Variants in DBNDD2 observed in about 807,000 individuals in gnomAD.
The protein encoded by DBNDD2 is dysbindin domain containing 2.
DBNDD2 carries 8 observed loss-of-function variants against 14.0 expected under a neutral mutation model. That is an observed-to-expected ratio of 0.57 (90% confidence interval 0.33 to 1.03). DBNDD2 has a LOEUF of 1.03. DBNDD2 is among the 50% of genes least tolerant of loss of function. The pLI, the probability that DBNDD2 is intolerant of heterozygous loss-of-function variation, is 0.03. For missense variants in DBNDD2, 194 were observed against 206.0 expected, an observed-to-expected ratio of 0.94 and a Z score of 0.36; for synonymous variants, 94 against 85.3, an observed-to-expected ratio of 1.10 and a Z score of -0.56.
At chr20:45,407,715 C>T, upstream of DBNDD2, 1 of 995,416 alleles carries the variant, frequency 1.0e-6, no homozygotes, top group Non-Finnish European at 1.2e-6. Context: ...TGTTGGAGTT[C>T]AAAGGAAAGA....
At chr20:45,406,797 G>A, upstream of DBNDD2, 1 of 1,248,262 alleles carries the variant, frequency 8.0e-7, no homozygotes. Context: ...CGGAGCACGA[G>A]GGGAACGGCC....
At chr20:45,406,478 C>G (rs1250708168), upstream of DBNDD2, 1 of 1,527,748 alleles carries the variant, frequency 6.5e-7, no homozygotes, top group Non-Finnish European at 8.8e-7. Flanking sequence ...TTTTGACCGC[C>G]TTGGAAGTAC....
chr20:45,408,244 G>A (rs754516344), upstream of DBNDD2: 55 of 1,551,244 alleles, frequency 3.5e-5, no homozygotes, highest in Non-Finnish European at 4.4e-5. Context: ...CCTTTGTGGA[G>A]CTTAGGGCAA....
chr20:45,409,764 C>A (rs935559107), intron 2 of DBNDD2, among the ~76,000 whole-genome samples, 168 bp from the exon 3 acceptor site: 1 of 152,224 alleles, frequency 6.6e-6, no homozygotes, highest in African/African-American at 2.4e-5. Context: ...GTGGAAGGAG[C>A]TGGCAGTCAG....
At chr20:45,407,489 A>T (rs1397225138), upstream of DBNDD2, 1 of 985,824 alleles carries the variant, frequency 1.0e-6, no homozygotes, top group Non-Finnish European at 1.2e-6. Flanking sequence ...GGCTCAGAGC[A>T]GAACGCCGGG....
rs535857781 is a variant in DBNDD2 at position 45,409,942 on chromosome 20, C to T, written c.288C>T (p.Asn96=). ...TTTCTCTCTGGGCAGGGATGGACAA[C>T]CATTTGGAGGAGCTGAGCCTGCCGG... ...PPTPQSSGMD[N]HLEELSLPVP... Residue 96 remains asparagine (N), a synonymous_variant, in exon 3 of 3, where the codon AAC becomes AAT. Transcript: ENST00000372710. 1.1e-4 allele frequency: 163 copies of T among 1,551,708 alleles called. No individual in the cohort carries two copies. The highest frequency in any genetic ancestry group is 1.4e-4 in the Non-Finnish European group (155 of 1,147,008).
Position 45,409,839 on chromosome 20 carries a change from C to G in DBNDD2, c.278-93C>G, listed in dbSNP as rs1452691159. ...AAAGTCACTTTGGACAAGTCTCTGC[C>G]CCACTGTGGACTTTAGTTACTCCTG... On this transcript the variant is annotated intron_variant, in intron 2 of 2. Transcript: ENST00000372710. The G allele has an allele frequency of 2.3e-6, 3 of 1,321,214 alleles. No individual in the cohort carries two copies. In the East Asian group the frequency reaches 7.5e-5, roughly 33 times the overall value. 81.8% of individuals were successfully genotyped at this position (1,321,214 alleles called of 1,614,324 possible).
chr20:45,407,568 G>A, upstream of DBNDD2: 1 of 986,714 alleles, frequency 1.0e-6, no homozygotes, highest in Non-Finnish European at 1.2e-6. Flanking sequence ...CTCTGGCAGG[G>A]TCTCAGCTTC....
chr20:45,406,822 TC>T (rs1568935655), upstream of DBNDD2: 17 of 1,214,278 alleles, frequency 1.4e-5, no homozygotes, highest in East Asian at 3.5e-5. Flanking sequence ...GGGAGCGCCC[TC>T]CCCCCGTCCT....
At chr20:45,406,702 G>A (rs1989420717), upstream of DBNDD2, 1 of 1,322,046 alleles carries the variant, frequency 7.6e-7, no homozygotes, top group Non-Finnish European at 9.6e-7. Flanking sequence ...GGAGCGGACG[G>A]ACTGAGTCAG....
At position 45,409,997 on chromosome 20, in the gene DBNDD2, A is replaced by ACCTCCTCCTCCT; in HGVS notation, c.352_363dup (p.Ser118_Ser121dup). 6.4e-7 allele frequency: 1 copy of ACCTCCTCCTCCT among 1,550,674 alleles called. No homozygotes were observed. On this transcript the variant is annotated inframe_insertion, in exon 3 of 3. Coordinates refer to ENST00000372710, the MANE Select transcript of DBNDD2 (RefSeq NM_001048225.4). ...TACATCAGACAGGACCACATCTAGGACCTCCTCCTCCTCCTCCTCCGACTC... is the reference window on the plus strand; with the variant it reads ...TACATCAGACAGGACCACATCTAGGACCTCCTCCTCCTCCTCCTCCTCCTCCTCCTCCGACTC...
upstream of DBNDD2, chr20:45,406,391 G>C (rs1989376658): frequency 2.1e-6 from 3 of 1,420,266 alleles, no homozygotes; most frequent in Non-Finnish European, 1.9e-6. Context: ...GCGGAGACTA[G>C]CGCACCGGCG....
At position 45,409,969 on chromosome 20, in the gene DBNDD2, G is replaced by A; in HGVS notation, c.315G>A (p.Val105=). The A allele has an allele frequency of 6.4e-7, 1 of 1,551,758 alleles. No individual in the cohort carries two copies. The highest frequency in any genetic ancestry group is 8.7e-7 in the Non-Finnish European group (1 of 1,147,000). Residue 105 remains valine, a synonymous_variant, in exon 3 of 3, where the codon GTG becomes GTA. Coordinates refer to ENST00000372710, the MANE Select transcript of DBNDD2 (RefSeq NM_001048225.4). ...DNHLEELSLP[V]PTSDRTTSRT... is the part of the protein sequence containing the mutation. ...ATTTGGAGGAGCTGAGCCTGCCGGT[G>A]CCTACATCAGACAGGACCACATCTA...
Position 45,410,146 on chromosome 20 carries a change from G to A in DBNDD2, c.*6G>A, listed in dbSNP as rs932692344. ...AGCCTGGAGCCTGCAGCTAGCAGTGGGCCCCTGCCTACAGACTGACCACGC... is the reference window on the plus strand; with the variant it reads ...AGCCTGGAGCCTGCAGCTAGCAGTGAGCCCCTGCCTACAGACTGACCACGC... On this transcript the variant is annotated 3_prime_UTR_variant, in exon 3 of 3. Coordinates refer to ENST00000372710, the MANE Select transcript of DBNDD2 (RefSeq NM_001048225.4). 1 of 1,551,646 alleles carries A rather than the reference G, an allele frequency of 6.4e-7. No homozygotes were observed. The highest frequency in any genetic ancestry group is 8.7e-7 in the Non-Finnish European group (1 of 1,147,026).
At chr20:45,408,154 G>A (rs138593771), upstream of DBNDD2, 792 of 1,542,098 alleles carry the variant, frequency 5.1e-4, 4 homozygotes, top group African/African-American at 8.8e-3. Context: ...CTCTCAGGAG[G>A]GCATGATATG....
In DBNDD2 at chr20:45,408,463, C is replaced by G. The variant is rs772152747; in HGVS notation, c.-5C>G. On this transcript the variant is annotated 5_prime_UTR_variant, in exon 1 of 3. Coordinates refer to ENST00000372710, the MANE Select transcript of DBNDD2 (RefSeq NM_001048225.4). ...TGTTTTGCTCCTCTACCCGCAGGAG[C>G]TGACATGGACCCAAATCCTCGGGCC... 1 of 1,614,278 alleles carries G rather than the reference C, an allele frequency of 6.2e-7. No individual in the cohort carries two copies. Among genetic ancestry groups the G allele is most frequent in the African/African-American group, 1.3e-5 (1 of 75,070 alleles).
In DBNDD2 at chr20:45,410,388, GAGA is replaced by G; in HGVS notation, c.*252_*254del. ...GAGATATGATTTGCAAATGAGGAGA[GAGA>G]AGATGAGGTTGGACAAGATGCCACT... On this transcript the variant is annotated 3_prime_UTR_variant, in exon 3 of 3. Coordinates refer to ENST00000372710, the MANE Select transcript of DBNDD2 (RefSeq NM_001048225.4). 1 of 514,822 alleles carries G rather than the reference GAGA, an allele frequency of 1.9e-6. No homozygotes were observed. Among genetic ancestry groups the G allele is most frequent in the Admixed American group, 3.2e-5 (1 of 31,142 alleles). The allele number at this position is 514,822 out of a possible 1,614,324, so 31.9% of individuals were successfully genotyped here.
chr20:45,406,730 C>T, upstream of DBNDD2: 1 of 1,274,796 alleles, frequency 7.8e-7, no homozygotes, highest in Non-Finnish European at 9.9e-7. Flanking sequence ...GCCAGCGCTG[C>T]AGGTAGGGGC....
At chr20:45,407,887 T>G, upstream of DBNDD2, 1 of 1,205,622 alleles carries the variant, frequency 8.3e-7, no homozygotes, top group Non-Finnish European at 1.0e-6. Context: ...AGAGCAAGGG[T>G]TTGGGGTAGA....
Sources: allele counts gnomAD v4.1 joint callset (sites outside exome capture counted in the v4.1 genomes callset), GRCh38; gene constraint gnomAD v4.1.1; transcripts MANE v1.5; gene names NCBI Gene and HGNC (gene_info 2026-07-23, HGNC 2026-07-21).